PI4KA: variants seen among roughly 807,000 people sequenced by gnomAD.
PI4KA encodes phosphatidylinositol 4-kinase alpha.
In PI4KA, 122 loss-of-function variants were observed where a neutral mutation model predicts 271.4. The observed-to-expected ratio is 0.45, with a 90% confidence interval of 0.39 to 0.52. The LOEUF is 0.52. Ranked by LOEUF, PI4KA falls within the 20% of genes least tolerant of loss-of-function variation. The pLI, the probability that PI4KA is intolerant of heterozygous loss-of-function variation, is 0.00. For missense variants in PI4KA, 1,969 were observed against 2,769.1 expected, an observed-to-expected ratio of 0.71 and a Z score of 6.48; for synonymous variants, 1,041 against 1,078.8, an observed-to-expected ratio of 0.96 and a Z score of 0.69.
chr22:20,846,514 C>T (rs1926276083), intron 1 of PI4KA, among the ~76,000 whole-genome samples: 1 of 151,940 alleles, frequency 6.6e-6, no homozygotes, highest in Admixed American at 6.6e-5. Flanking sequence ...GAACAACGCA[C>T]GCTGGGGCCT....
At chr22:20,848,559 A>G (rs551951379) in intron 1 of PI4KA, among the ~76,000 whole-genome samples, 16 of 152,318 alleles carry the variant, frequency 1.1e-4, no homozygotes, top group Middle Eastern at 3.4e-3. Flanking sequence ...ATTTTTGACA[A>G]GGGTTCCAGG....
Position 20,802,080 on chromosome 22 carries a change from A to G in PI4KA, c.1617T>C (p.Ser539=), listed in dbSNP as rs762430179. The G allele has an allele frequency of 3.7e-6, 6 of 1,614,074 alleles. 1 individual carries two copies. In the East Asian group the frequency reaches 1.1e-4, roughly 30 times the overall value. The change falls in exon 14 of 55, where the codon AGT becomes AGC. Residue 539 remains serine (S), a synonymous_variant. Coordinates refer to ENST00000255882, the MANE Select transcript of PI4KA (RefSeq NM_058004.4). The part of the protein sequence containing the change: ...HTVAGNDIKI[S]VTNEHSESTL... The stretch of plus-strand genomic sequence containing the variant: ...TTGACTCGGAATGCTCATTGGTCAC[A>G]CTGATTTTTATATCATTGCCAGCAA...
rs923365395 is a variant in PI4KA, at chr22:20,803,279, G to C, written c.1503C>G (p.His501Gln). The C allele has an allele frequency of 1.5e-5, 24 of 1,613,988 alleles. No individual in the cohort carries two copies. Among genetic ancestry groups the C allele is most frequent in the Non-Finnish European group, 2.0e-5 (24 of 1,179,856 alleles). ...AGTCTCGCAAGGACGGTGTCACAGA[G>C]TGCACCACCACCGGGAACCTCTCGC... is the stretch of plus-strand genomic sequence containing the variant. ...RLCERFPVVVHSVTPSLRDFL... is the reference protein window; with the variant it reads ...RLCERFPVVVQSVTPSLRDFL... Residue 501 changes from histidine to glutamine, a missense_variant, in exon 13 of 55, where the codon CAC (histidine) becomes CAG (glutamine). Physicochemically the swap from His to Gln is conservative, Grantham distance 24 (BLOSUM62 0). Transcript: ENST00000255882.
intron 23 of PI4KA, among the ~76,000 whole-genome samples, chr22:20,759,661 G>A (rs1931751878): frequency 6.6e-6 from 1 of 151,984 alleles, no homozygotes; most frequent in African/African-American, 2.4e-5. Context: ...CACCTCCCGG[G>A]TTCATGCCAT....
intron 19 of PI4KA, among the ~76,000 whole-genome samples, chr22:20,767,206 G>A (rs904920675): frequency 1.3e-5 from 2 of 152,150 alleles, no homozygotes; most frequent in South Asian, 2.1e-4. Context: ...ACTTTGGGAG[G>A]CCGAGGCAGG....
chr22:20,783,960 T>C, intron 19 of PI4KA: 2 of 1,614,204 alleles, frequency 1.2e-6, no homozygotes, highest in East Asian at 2.2e-5. Flanking sequence ...CCTCTTCCTG[T>C]GGCCTTTACA....
chr22:20,831,574 C>CAAACAA (rs927741986), intron 3 of PI4KA, among the ~76,000 whole-genome samples: 1,703 of 143,032 alleles, frequency 0.012, 28 homozygotes, highest in South Asian at 0.042. Context: ...TCTCAAAACA[C>CAAACAA]AAACAAAAAC....
At chr22:20,823,563 C>T (rs1275932212) in intron 4 of PI4KA, among the ~76,000 whole-genome samples, 3 of 152,176 alleles carry the variant, frequency 2.0e-5, no homozygotes, top group Middle Eastern at 3.2e-3. Flanking sequence ...GTATGAAATA[C>T]ATGTTTGTAA....
At position 20,853,920 on chromosome 22, in the gene PI4KA, A is replaced by T. The variant is rs902754428; in HGVS notation, c.156+4650T>A. Among the ~76,000 whole-genome samples, 23 of 145,458 alleles carry T rather than the reference A, an allele frequency of 1.6e-4. No homozygotes were observed. The South Asian group carries it at 3.0e-3, about 19-fold the overall frequency. Reference sequence around the variant, plus strand: ...TGAGACCCCCATCTCTAATTAAATAAAAAAAAAAAAGTAGATGGGATTTAT... The same window carrying T: ...TGAGACCCCCATCTCTAATTAAATATAAAAAAAAAAGTAGATGGGATTTAT... On this transcript the variant is annotated intron_variant, in intron 1 of 54. Coordinates refer to ENST00000255882, the MANE Select transcript of PI4KA (RefSeq NM_058004.4).
chr22:20,804,569 C>A (rs956115942), intron 11 of PI4KA, among the ~76,000 whole-genome samples, 169 bp from the exon 12 acceptor site: 1 of 152,180 alleles, frequency 6.6e-6, no homozygotes, highest in South Asian at 2.1e-4. Flanking sequence ...TCTCTCTTCT[C>A]CGCTGGCCCT....
At chr22:20,838,802 G>C (rs1008138349) in intron 1 of PI4KA, 71 bp from the exon 2 acceptor site, 2 of 890,764 alleles carry the variant, frequency 2.2e-6, no homozygotes, top group Non-Finnish European at 3.7e-6. Context: ...AGCAAGCTGA[G>C]TGCAGTGTCA....
intron 4 of PI4KA, among the ~76,000 whole-genome samples, chr22:20,823,818 A>C (rs1224721756): frequency 6.6e-6 from 1 of 152,136 alleles, no homozygotes; most frequent in Non-Finnish European, 1.5e-5. Context: ...GTGCACGCCT[A>C]TAGTCTCAGC....
chr22:20,786,607 G>C (rs1331058640), intron 19 of PI4KA, among the ~76,000 whole-genome samples: 2 of 152,188 alleles, frequency 1.3e-5, no homozygotes, highest in Admixed American at 1.3e-4. Context: ...TGGGGAGCTG[G>C]AGCTGGGGTG....
chr22:20,765,776 T>C (rs1932468534), intron 19 of PI4KA, 83 bp from the exon 20 acceptor site: 2 of 858,964 alleles, frequency 2.3e-6, no homozygotes, highest in Non-Finnish European at 4.0e-6. Context: ...CAACCACAGA[T>C]TCATTCTCTA....
In PI4KA at chr22:20,727,657, T is replaced by C. The variant is rs1034785434; in HGVS notation, c.4773+117A>G. Reference sequence around the variant, plus strand: ...CACAGGAAATCAGAAAAACCATGAATAGCACTGAAGTTGCCAAGCGGCTGT... The same window carrying C: ...CACAGGAAATCAGAAAAACCATGAACAGCACTGAAGTTGCCAAGCGGCTGT... On this transcript the variant is annotated intron_variant, in intron 40 of 54. Transcript: ENST00000255882. The C allele has an allele frequency of 6.5e-6, 5 of 768,988 alleles. No homozygotes were observed. The African/African-American group carries it at 8.7e-5, about 13-fold the overall frequency. The allele number at this position is 768,988 out of a possible 1,614,324, so 47.6% of individuals were successfully genotyped here. A position where few individuals can be genotyped will look rare whatever the true frequency, so the allele number is the denominator to read the frequency against.
intron 19 of PI4KA, among the ~76,000 whole-genome samples, chr22:20,789,306 CATTTATTT>C (rs113990875): frequency 5.9e-5 from 9 of 152,116 alleles, no homozygotes; most frequent in Admixed American, 2.0e-4. Context: ...GTCTAGAAAG[CATTTATTT>C]ATTTATTTAT....
intron 9 of PI4KA, among the ~76,000 whole-genome samples, chr22:20,810,276 G>A (rs1935917379): frequency 6.6e-6 from 1 of 152,104 alleles, no homozygotes; most frequent in African/African-American, 2.4e-5. Flanking sequence ...GGAGGCAGAG[G>A]CAGGCAGATC....
chr22:20,788,653 G>C (rs1934431710), intron 19 of PI4KA, among the ~76,000 whole-genome samples: 1 of 152,214 alleles, frequency 6.6e-6, no homozygotes, highest in South Asian at 2.1e-4. Context: ...TGGATGAATT[G>C]CCCCAAGCCA....
chr22:20,759,387 TTTTTC>T (rs1221794455), intron 23 of PI4KA, among the ~76,000 whole-genome samples: 39 of 150,276 alleles, frequency 2.6e-4, no homozygotes, highest in South Asian at 4.2e-4. Flanking sequence ...TTGATTTTTC[TTTTTC>T]TTTTCTTTTC....
Sources: gnomAD v4.1 joint callset for allele counts (sites outside exome capture counted in the v4.1 genomes callset) on GRCh38, gnomAD v4.1.1 for gene constraint, MANE v1.5 for transcripts, NCBI Gene and HGNC (gene_info 2026-07-23, HGNC 2026-07-21) for gene names.